The following CDK14 variants were observed in gnomAD, a reference collection of about 807,000 sequenced individuals.
CDK14 encodes the protein cyclin dependent kinase 14, also known as cyclin-dependent kinase 14.
CDK14 carries 34 observed loss-of-function variants against 60.7 expected under a neutral mutation model. The ratio of observed to expected loss-of-function variants is 0.56; its 90% CI spans 0.43 to 0.75. CDK14 has a LOEUF of 0.75. CDK14 is among the 30% of genes least tolerant of loss of function. The pLI is 0.00. For missense variants in CDK14, 482 were observed against 564.1 expected, an observed-to-expected ratio of 0.85 and a Z score of 1.47; for synonymous variants, 197 against 203.7, an observed-to-expected ratio of 0.97 and a Z score of 0.28.
intron 11 of CDK14, among the ~76,000 whole-genome samples, chr7:91,061,543 G>A (rs1797785918): frequency 1.3e-5 from 2 of 152,040 alleles, no homozygotes; most frequent in Admixed American, 1.3e-4. Flanking sequence ...ATCTACCTTT[G>A]GTCTTTGATG....
intron 2 of CDK14, among the ~76,000 whole-genome samples, chr7:90,685,682 A>T (rs1391235856): frequency 3.0e-4 from 33 of 108,850 alleles, no homozygotes; most frequent in African/African-American, 1.0e-3. Flanking sequence ...TTTTGTAGAG[A>T]TGAGGTCTTG....
intron 3 of CDK14, among the ~76,000 whole-genome samples, chr7:90,731,316 G>A (rs949747722): frequency 6.6e-6 from 1 of 152,098 alleles, no homozygotes; most frequent in Non-Finnish European, 1.5e-5. Context: ...TTTTTGTTTA[G>A]GATTGTCTTG....
At chr7:91,147,162 T>TCTCTCACACA (rs1438870514) in intron 14 of CDK14, among the ~76,000 whole-genome samples, 1 of 124,698 alleles carries the variant, frequency 8.0e-6, no homozygotes, top group African/African-American at 3.3e-5. Flanking sequence ...TCTCTCTCTC[T>TCTCTCACACA]CACACACACA....
chr7:90,634,926 GTCT>G (rs1800100902), intron 2 of CDK14, among the ~76,000 whole-genome samples: 1 of 152,130 alleles, frequency 6.6e-6, no homozygotes, highest in East Asian at 1.9e-4. Context: ...CTGCATAAAT[GTCT>G]TCTTTTGAGA....
At chr7:91,011,797 ATC>A (rs1229534596) in intron 10 of CDK14, among the ~76,000 whole-genome samples, 1 of 152,094 alleles carries the variant, frequency 6.6e-6, no homozygotes. Flanking sequence ...TTTTTAAAAA[ATC>A]TCTTTCATAC....
intron 14 of CDK14, among the ~76,000 whole-genome samples, chr7:91,137,323 C>T (rs1430300100): frequency 6.6e-6 from 1 of 152,208 alleles, no homozygotes; most frequent in East Asian, 1.9e-4. Flanking sequence ...GTGCTGTGTT[C>T]TCTTTCCCAC....
chr7:90,981,874 C>T (rs1795237525), intron 9 of CDK14, among the ~76,000 whole-genome samples: 1 of 145,580 alleles, frequency 6.9e-6, no homozygotes, highest in Non-Finnish European at 1.5e-5. Context: ...AGTCAAGAAC[C>T]AAGTCATTTC....
intron 4 of CDK14, among the ~76,000 whole-genome samples, chr7:90,788,562 C>A (rs935990952): frequency 6.6e-6 from 1 of 152,164 alleles, no homozygotes; most frequent in Non-Finnish European, 1.5e-5. Flanking sequence ...GGAGATGGTA[C>A]GTTGTGGAGC....
intron 1 of CDK14, among the ~76,000 whole-genome samples, chr7:90,598,704 A>ATTTG (rs1554416545): frequency 2.3e-5 from 2 of 87,890 alleles, no homozygotes; most frequent in African/African-American, 8.1e-5. Context: ...TTATCTAAGG[A>ATTTG]TTTTTTTTTT....
intron 14 of CDK14, among the ~76,000 whole-genome samples, chr7:91,185,110 C>CGTATGTCCCA (rs1278761126): frequency 6.8e-6 from 1 of 147,844 alleles, no homozygotes; most frequent in Non-Finnish European, 1.5e-5. Context: ...TTGAGTATCT[C>CGTATGTCCCA]GTATGTCCCA....
chr7:91,172,957 G>T (rs931522229), intron 14 of CDK14, among the ~76,000 whole-genome samples: 1 of 152,178 alleles, frequency 6.6e-6, no homozygotes, highest in African/African-American at 2.4e-5. Flanking sequence ...GAGGATGAAG[G>T]TACCCCTCAT....
chr7:91,029,937 T>A (rs1796712559), intron 10 of CDK14, among the ~76,000 whole-genome samples: 1 of 152,234 alleles, frequency 6.6e-6, no homozygotes, highest in South Asian at 2.1e-4. Flanking sequence ...TGGCTAGGAT[T>A]TCCAGGGCAG....
chr7:91,141,380 G>C (rs1800452064), intron 14 of CDK14, among the ~76,000 whole-genome samples: 2 of 152,222 alleles, frequency 1.3e-5, no homozygotes. Context: ...GCAAGCATTA[G>C]GTGAGGATAA....
rs185451198 is a variant in CDK14 at position 90,771,139 on chromosome 7, T to C, written c.465-19434T>C. ...CTGTCTATAAGTCCTCACTTGTTCTTTGTATCCTGAGTTGACCCTAATCTT... is the reference window on the plus strand; with the variant it reads ...CTGTCTATAAGTCCTCACTTGTTCTCTGTATCCTGAGTTGACCCTAATCTT... On this transcript the variant is annotated intron_variant, in intron 4 of 14. Coordinates refer to ENST00000380050, the MANE Select transcript of CDK14 (RefSeq NM_001287135.2). Among the ~76,000 whole-genome samples, 448 of 152,360 alleles carry C rather than the reference T, an allele frequency of 2.9e-3. 2 individuals are homozygous for C. The highest frequency in any genetic ancestry group is 0.01 in the African/African-American group (429 of 41,586).
intron 14 of CDK14, among the ~76,000 whole-genome samples, chr7:91,127,973 C>T (rs772491913): frequency 5.9e-5 from 9 of 152,102 alleles, no homozygotes; most frequent in Middle Eastern, 3.4e-3. Flanking sequence ...AAATTCCATC[C>T]GAAAACGTAT....
chr7:90,640,121 A>C (rs1219815753), intron 2 of CDK14, among the ~76,000 whole-genome samples: 2 of 152,010 alleles, frequency 1.3e-5, no homozygotes, highest in African/African-American at 2.4e-5. Flanking sequence ...GGTGCGCTGC[A>C]CCCACTGTCC....
chr7:90,996,270 C>T (rs1354081025), intron 10 of CDK14, among the ~76,000 whole-genome samples: 1 of 152,158 alleles, frequency 6.6e-6, no homozygotes, highest in Non-Finnish European at 1.5e-5. Flanking sequence ...TCTCATTTTG[C>T]AACTTACCTT....
chr7:90,846,008 TATAAAA>T (rs1298145981), intron 5 of CDK14, among the ~76,000 whole-genome samples: 1 of 152,170 alleles, frequency 6.6e-6, no homozygotes, highest in African/African-American at 2.4e-5. Flanking sequence ...TCTTTTTTTA[TATAAAA>T]TAATAATTAA....
intron 2 of CDK14, among the ~76,000 whole-genome samples, chr7:90,695,605 T>G (rs1317206294): frequency 1.3e-5 from 2 of 152,052 alleles, no homozygotes; most frequent in East Asian, 3.9e-4. Flanking sequence ...TTCTGAGGAA[T>G]ATAAACAAAA....
Sources: gnomAD v4.1 joint callset for allele counts (sites outside exome capture counted in the v4.1 genomes callset) on GRCh38, gnomAD v4.1.1 for gene constraint, MANE v1.5 for transcripts, NCBI Gene and HGNC (gene_info 2026-07-23, HGNC 2026-07-21) for gene names.